The following C1D variants were observed in gnomAD, a reference collection of about 807,000 sequenced individuals.
C1D encodes C1D nuclear receptor corepressor, also known as nuclear nucleic acid-binding protein C1D.
In C1D, 10 loss-of-function variants were observed where a neutral mutation model predicts 17.5. That is an observed-to-expected ratio of 0.57 (90% confidence interval 0.35 to 0.97). The LOEUF is 0.97. Among genes scored for constraint, C1D ranks in the 50% least tolerant of loss-of-function variants. C1D has a pLI of 0.01. For synonymous variants in C1D, 49 were observed against 54.0 expected, an observed-to-expected ratio of 0.91 and a Z score of 0.40; for missense variants, 136 against 160.1, an observed-to-expected ratio of 0.85 and a Z score of 0.81.
At chr2:68,062,553 T>C (rs1478589658) in intron 1 of C1D, among the ~76,000 whole-genome samples, 1 of 152,226 alleles carries the variant, frequency 6.6e-6, no homozygotes, top group East Asian at 1.9e-4. Flanking sequence ...GTTACTCCCC[T>C]AGACGTTCCA....
At chr2:68,055,727 C>A (rs961162850) in intron 1 of C1D, among the ~76,000 whole-genome samples, 1 of 152,022 alleles carries the variant, frequency 6.6e-6, no homozygotes, top group African/African-American at 2.4e-5. Flanking sequence ...TGAGGATGCA[C>A]ACTGAAGTAT....
chr2:68,052,034 G>A (rs768726682), intron 1 of C1D, among the ~76,000 whole-genome samples: 4 of 151,818 alleles, frequency 2.6e-5, no homozygotes, highest in Admixed American at 6.6e-5. Context: ...GATATTCATC[G>A]ACAGGGAAAC....
chr2:68,060,720 G>A (rs1246140100), intron 1 of C1D, among the ~76,000 whole-genome samples: 1 of 151,902 alleles, frequency 6.6e-6, no homozygotes, highest in South Asian at 2.1e-4. Flanking sequence ...GAAAACAAAA[G>A]ACAATAAAGT....
intron 1 of C1D, among the ~76,000 whole-genome samples, chr2:68,051,471 A>G (rs903786125): frequency 6.6e-6 from 1 of 152,210 alleles, no homozygotes; most frequent in Non-Finnish European, 1.5e-5. Flanking sequence ...CAACTTGGGC[A>G]ACACAGCAAG....
At chr2:68,045,433 A>G (rs1010290387) in intron 4 of C1D, among the ~76,000 whole-genome samples, 2 of 152,210 alleles carry the variant, frequency 1.3e-5, no homozygotes, top group Non-Finnish European at 2.9e-5. Context: ...TATATACTGT[A>G]CTTATACATC....
At chr2:68,062,168 A>C (rs1352005195) in intron 1 of C1D, among the ~76,000 whole-genome samples, 1 of 152,212 alleles carries the variant, frequency 6.6e-6, no homozygotes, top group African/African-American at 2.4e-5. Context: ...GTACCCCATA[A>C]ATATATACAC....
chr2:68,052,241 A>C (rs761300065), intron 1 of C1D, among the ~76,000 whole-genome samples: 34 of 152,174 alleles, frequency 2.2e-4, no homozygotes, highest in Non-Finnish European at 4.3e-4. Context: ...CATGTAGAAA[A>C]AGGTCTGGAA....
intron 2 of C1D, chr2:68,046,629 G>A: frequency 4.3e-6 from 2 of 468,294 alleles, no homozygotes; most frequent in Non-Finnish European, 3.8e-6. Context: ...TTCACCTTAG[G>A]GTATCATCTT....
chr2:68,062,943 A>G lies in C1D; in HGVS notation c.-10+15T>C, dbSNP rs1286504654. On this transcript the variant is annotated intron_variant, in intron 1 of 4. Coordinates refer to ENST00000410067, the MANE Select transcript of C1D (RefSeq NM_173177.3). ...GGAGCAGGAGAAAAACTGAAACTAC[A>G]CCTTAGAAAAATACCTCACGGCCTT... 6.6e-6 allele frequency: 1 copy of G among 152,120 alleles called. No individual in the cohort carries two copies. Among genetic ancestry groups the G allele is most frequent in the Admixed American group, 6.6e-5 (1 of 15,264 alleles). The allele number at this position is 152,120 out of a possible 1,614,324, so 9.4% of individuals were successfully genotyped here.
At chr2:68,053,169 G>A (rs1011935622) in intron 1 of C1D, 26 of 1,550,394 alleles carry the variant, frequency 1.7e-5, no homozygotes, top group Non-Finnish European at 2.0e-5. Context: ...GAGAGGGCAT[G>A]AGAAAACTTG....
intron 1 of C1D, among the ~76,000 whole-genome samples, chr2:68,054,941 G>A (rs1389987916): frequency 6.6e-6 from 1 of 151,140 alleles, no homozygotes; most frequent in Non-Finnish European, 1.5e-5. Flanking sequence ...ACTCCAGCCT[G>A]GGCAACAGAG....
At chr2:68,053,499 T>C (rs1351348386) in intron 1 of C1D, among the ~76,000 whole-genome samples, 2 of 152,186 alleles carry the variant, frequency 1.3e-5, no homozygotes, top group Admixed American at 1.3e-4. Flanking sequence ...CTATTCTCAC[T>C]GACTAGATTA....
intron 1 of C1D, among the ~76,000 whole-genome samples, chr2:68,056,748 T>C (rs1036237614): frequency 3.3e-5 from 5 of 152,106 alleles, no homozygotes; most frequent in Non-Finnish European, 7.4e-5. Context: ...AGGGAAAAAT[T>C]AAAAAGATTA....
intron 1 of C1D, among the ~76,000 whole-genome samples, chr2:68,058,797 C>A (rs561212820): frequency 1.3e-5 from 2 of 152,300 alleles, no homozygotes; most frequent in East Asian, 3.9e-4. Context: ...CACTACTCCA[C>A]GTGACTAGAA....
At chr2:68,049,818 G>A (rs969722187) in intron 1 of C1D, among the ~76,000 whole-genome samples, 3 of 152,078 alleles carry the variant, frequency 2.0e-5, no homozygotes, top group African/African-American at 7.2e-5. Flanking sequence ...ATAGGAAATG[G>A]CTGACAAACT....
chr2:68,058,553 A>G (rs1671505359), intron 1 of C1D, among the ~76,000 whole-genome samples: 1 of 152,204 alleles, frequency 6.6e-6, no homozygotes, highest in African/African-American at 2.4e-5. Context: ...CAACAGAAAC[A>G]GGTCACAGGG....
chr2:68,041,326 A>G lies in C1D; in HGVS notation c.*1563T>C, dbSNP rs1181745663. 3.9e-5 allele frequency: 6 copies of G among 152,082 alleles called. No individual in the cohort carries two copies. Among genetic ancestry groups the G allele is most frequent in the Admixed American group, 1.3e-4 (2 of 15,274 alleles). The allele number at this position is 152,082 out of a possible 1,614,324, so 9.4% of individuals were successfully genotyped here. On this transcript the variant is annotated 3_prime_UTR_variant, in exon 5 of 5. Transcript: ENST00000410067. ...ACCAATAATGATTTTCTGCAATTGT[A>G]TAACATTTTTCATTTAAGCTGTTTT...
At position 68,042,074 on chromosome 2, in the gene C1D, T is replaced by C. The variant is rs1670970607; in HGVS notation, c.*815A>G. On this transcript the variant is annotated 3_prime_UTR_variant, in exon 5 of 5. Coordinates refer to ENST00000410067, the MANE Select transcript of C1D (RefSeq NM_173177.3). ...AAAAAAAATCTGAAAAAAAATGAGA[T>C]GAAAAGAACTGTGGACACCATGCAT... 6.6e-6 allele frequency: 1 copy of C among 151,784 alleles called. No individual in the cohort carries two copies. Among genetic ancestry groups the C allele is most frequent in the African/African-American group, 2.4e-5 (1 of 41,364 alleles). 9.4% of individuals were successfully genotyped at this position (151,784 alleles called of 1,614,324 possible). A position where few individuals can be genotyped will look rare whatever the true frequency, so the allele number is the denominator to read the frequency against.
In C1D at chr2:68,046,367, T is replaced by A. The variant is rs767306883; in HGVS notation, c.182A>T (p.Tyr61Phe). 9.9e-6 allele frequency: 16 copies of A among 1,612,152 alleles called. No individual in the cohort carries two copies. The highest frequency in any genetic ancestry group is 1.3e-5 in the Non-Finnish European group (15 of 1,178,768). The change falls in exon 3 of 5, where the codon TAC becomes TTC. Residue 61 changes from tyrosine (Y) to phenylalanine (F), a missense_variant. Transcript: ENST00000410067. ...EQAKVDLVSAYTLNSMFWVYL... is the reference protein window; with the variant it reads ...EQAKVDLVSAFTLNSMFWVYL... ...ACCCCAAAACATTGAATTTAATGTG[T>A]ATGCAGAAACCAAATCCACTTTTGC...
Sources: gnomAD v4.1 joint callset for allele counts (sites outside exome capture counted in the v4.1 genomes callset) on GRCh38, gnomAD v4.1.1 for gene constraint, MANE v1.5 for transcripts, NCBI Gene and HGNC (gene_info 2026-07-23, HGNC 2026-07-21) for gene names.